Variants in INPP5A observed in about 807,000 individuals in gnomAD.
INPP5A encodes 43 kDa inositol polyphosphate 5-phophatase.
A neutral mutation model predicts 65.2 loss-of-function variants in INPP5A; 14 were observed. That is an observed-to-expected ratio of 0.21 (90% CI 0.14 to 0.34). INPP5A has a LOEUF of 0.34. INPP5A is among the 10% of genes least tolerant of loss of function. The probability of loss-of-function intolerance (pLI) is 1.00; values close to 1 mark genes in which losing one functional copy is unlikely to be tolerated. For missense variants in INPP5A, 431 were observed against 545.6 expected, an observed-to-expected ratio of 0.79 and a Z score of 2.09; for synonymous variants, 207 against 208.3, an observed-to-expected ratio of 0.99 and a Z score of 0.05.
chr10:132,603,505 C>G lies in INPP5A; in HGVS notation c.76-4410C>G, dbSNP rs953692724. Among the ~76,000 whole-genome samples the G allele has an allele frequency of 1.3e-5, 2 of 152,210 alleles. No homozygotes were observed. The highest frequency in any genetic ancestry group is 4.8e-5 in the African/African-American group (2 of 41,450). The stretch of plus-strand genomic sequence containing the variant: ...ATCCTGCTCAAATTGTCAGGAGAAA[C>G]AGACACTGAAGTGAAACTCAAGGAA... On this transcript the variant is annotated intron_variant, in intron 1 of 15. Transcript: ENST00000368594. This position sits in a 1 kb window ranked among gnomAD's most constrained non-coding sequence, Gnocchi z 4.2.
intron 9 of INPP5A, among the ~76,000 whole-genome samples, chr10:132,729,506 TC>T (rs1846044797): frequency 6.6e-6 from 1 of 152,198 alleles, no homozygotes; most frequent in Non-Finnish European, 1.5e-5. Context: ...AGGAACTGCC[TC>T]CCGGGCCTCA....
Position 132,546,215 on chromosome 10 carries a change from G to A in INPP5A, c.75+8044G>A, listed in dbSNP as rs2070969192. Among the ~76,000 whole-genome samples, 2 of 152,242 alleles carry A rather than the reference G, an allele frequency of 1.3e-5. No homozygotes were observed. The highest frequency in any genetic ancestry group is 1.3e-4 in the Admixed American group (2 of 15,290). On this transcript the variant is annotated intron_variant, in intron 1 of 15. Coordinates refer to ENST00000368594, the MANE Select transcript of INPP5A (RefSeq NM_005539.5). This position sits in a 1 kb window ranked among gnomAD's most constrained non-coding sequence, Gnocchi z 5.7. Reference sequence around the variant, plus strand: ...ACACCACTTCTGGGGCAGGTCTAGGGTGATGGCGCTCCCAGCCCGCGGGGG... The same window carrying A: ...ACACCACTTCTGGGGCAGGTCTAGGATGATGGCGCTCCCAGCCCGCGGGGG...
In INPP5A at chr10:132,593,334, G is replaced by A. The variant is rs147390994; in HGVS notation, c.76-14581G>A. ...CGTGGGGAGCCCTGCGGGCCTGCTG[G>A]GATCCTGCATTACAATTTTATGACA... On this transcript the variant is annotated intron_variant, in intron 1 of 15. Transcript: ENST00000368594. Among the ~76,000 whole-genome samples the A allele has an allele frequency of 2.3e-3, 353 of 152,228 alleles. 7 individuals are homozygous for A. The highest frequency in any genetic ancestry group is 2.5e-3 in the Non-Finnish European group (170 of 68,030).
chr10:132,770,017 G>A (rs1181433946), intron 12 of INPP5A, among the ~76,000 whole-genome samples: 1 of 152,030 alleles, frequency 6.6e-6, no homozygotes, highest in African/African-American at 2.4e-5. Flanking sequence ...CTCCACTGGT[G>A]TGACAGCCCG....
chr10:132,688,085 A>G (rs2804000), intron 4 of INPP5A, among the ~76,000 whole-genome samples: 19,723 of 152,226 alleles, frequency 0.13, 1,339 homozygotes, highest in African/African-American at 0.15. Flanking sequence ...GGAGCTGCAC[A>G]GCCTCCAGGG....
chr10:132,559,667 T>C (rs1170039796), intron 1 of INPP5A, among the ~76,000 whole-genome samples: 14 of 146,636 alleles, frequency 9.5e-5, no homozygotes, highest in African/African-American at 3.6e-4. Flanking sequence ...TCCAGGGACC[T>C]CAGTTACTCA....
intron 4 of INPP5A, among the ~76,000 whole-genome samples, chr10:132,654,522 G>C (rs944135427): frequency 2.0e-5 from 3 of 152,220 alleles, no homozygotes; most frequent in Admixed American, 2.0e-4. Flanking sequence ...CGGGGTGTCT[G>C]TGTGGCGGGG....
chr10:132,539,333 G>T (rs1025996336), intron 1 of INPP5A, among the ~76,000 whole-genome samples: 1 of 152,178 alleles, frequency 6.6e-6, no homozygotes, highest in African/African-American at 2.4e-5. Flanking sequence ...AATAAGGGAA[G>T]TCTGTAAAGC....
chr10:132,716,906 G>A (rs72868931), intron 8 of INPP5A, among the ~76,000 whole-genome samples: 238 of 152,350 alleles, frequency 1.6e-3, no homozygotes, highest in Non-Finnish European at 2.8e-3. Flanking sequence ...GACTCTGCCC[G>A]AGAGCACTTG....
At chr10:132,557,437 G>T (rs1004249101) in intron 1 of INPP5A, among the ~76,000 whole-genome samples, 1 of 152,254 alleles carries the variant, frequency 6.6e-6, no homozygotes, top group African/African-American at 2.4e-5. Flanking sequence ...AGTCACGAGG[G>T]GGGTTTCCCC....
chr10:132,543,416 CTTTT>C (rs1036381350), intron 1 of INPP5A, among the ~76,000 whole-genome samples: 2 of 151,890 alleles, frequency 1.3e-5, no homozygotes, highest in African/African-American at 2.4e-5. Context: ...TCCTTTCTTT[CTTTT>C]TTCTTTTAAA....
rs1450244908 is a variant in INPP5A at position 132,675,178 on chromosome 10, T to C, written c.307-15214T>C. On this transcript the variant is annotated intron_variant, in intron 4 of 15. Transcript: ENST00000368594. The surrounding 1 kb of genome is among the most constrained non-coding windows in gnomAD (Gnocchi z 4.2). Reference sequence around the variant, plus strand: ...CAAATCAAGAAAACCATAGAGAGCATAGGGGTGTGCCGCAGTCACACTGAC... The same window carrying C: ...CAAATCAAGAAAACCATAGAGAGCACAGGGGTGTGCCGCAGTCACACTGAC... 1.3e-5 allele frequency among the ~76,000 whole-genome samples: 2 copies of C among 152,130 alleles called. No individual in the cohort carries two copies. The highest frequency in any genetic ancestry group is 4.8e-5 in the African/African-American group (2 of 41,428).
intron 11 of INPP5A, 71 bp from the exon 12 acceptor site, chr10:132,765,702 G>A: frequency 2.2e-6 from 2 of 889,912 alleles, no homozygotes; most frequent in Non-Finnish European, 3.8e-6. Flanking sequence ...CGTCCCAGCT[G>A]CACACAGACA....
chr10:132,712,760 GTGTATT>G (rs1381886628), intron 8 of INPP5A, among the ~76,000 whole-genome samples: 1 of 149,928 alleles, frequency 6.7e-6, no homozygotes, highest in Non-Finnish European at 1.5e-5. Flanking sequence ...GCATGTGTCT[GTGTATT>G]TGGGTGTGTG....
In INPP5A at chr10:132,741,832, G is replaced by A. The variant is rs888738695; in HGVS notation, c.733-7685G>A. On this transcript the variant is annotated intron_variant, in intron 9 of 15. Transcript: ENST00000368594. The surrounding 1 kb of genome is among the most constrained non-coding windows in gnomAD (Gnocchi z 4.4). Reference sequence around the variant, plus strand: ...TAAACTGAGGTGGACGTTGGCGTCCGCGTCTGCTTGCTTTACTCCATAGCT... The same window carrying A: ...TAAACTGAGGTGGACGTTGGCGTCCACGTCTGCTTGCTTTACTCCATAGCT... Among the ~76,000 whole-genome samples the A allele has an allele frequency of 3.3e-5, 5 of 151,874 alleles. No homozygotes were observed. The highest frequency in any genetic ancestry group is 7.3e-5 in the African/African-American group (3 of 41,374).
rs1245976833 is a variant in INPP5A at position 132,697,595 on chromosome 10, G to C, written c.371-221G>C. Among the ~76,000 whole-genome samples the C allele has an allele frequency of 1.3e-5, 2 of 152,190 alleles. No homozygotes were observed. Among genetic ancestry groups the C allele is most frequent in the Non-Finnish European group, 2.9e-5 (2 of 68,032 alleles). On this transcript the variant is annotated intron_variant, in intron 5 of 15. Transcript: ENST00000368594. The surrounding 1 kb of genome is among the most constrained non-coding windows in gnomAD (Gnocchi z 5.6). ...CTCTCAGGCGATAATGGAGTGGAGT[G>C]TCAGATTCCAGGTCATGGGAGGGGA...
chr10:132,739,397 G>A (rs551896496), intron 9 of INPP5A, among the ~76,000 whole-genome samples: 4 of 152,340 alleles, frequency 2.6e-5, no homozygotes, highest in East Asian at 3.9e-4. Context: ...TGTGAGGCCC[G>A]TGGTGGGGGC....
intron 11 of INPP5A, 36 bp downstream of exon 11, chr10:132,749,881 C>G (rs996745850): frequency 6.3e-7 from 1 of 1,576,360 alleles, no homozygotes; most frequent in Admixed American, 1.7e-5. Flanking sequence ...CTCCCCCGTC[C>G]TGGGACATCC....
At chr10:132,565,201 C>T (rs1321501547) in intron 1 of INPP5A, among the ~76,000 whole-genome samples, 1 of 152,206 alleles carries the variant, frequency 6.6e-6, no homozygotes, top group Non-Finnish European at 1.5e-5. Context: ...CCTTGACCTT[C>T]TGGGCACAAG....
Sources: gnomAD v4.1 joint callset for allele counts (sites outside exome capture counted in the v4.1 genomes callset) on GRCh38, gnomAD v4.1.1 for gene constraint, Gnocchi (gnomAD v3.1) non-coding constraint, MANE v1.5 for transcripts, NCBI Gene and HGNC (gene_info 2026-07-23, HGNC 2026-07-21) for gene names.